Variants in STOX2 observed in about 807,000 individuals in gnomAD.
STOX2 encodes storkhead-box protein 2.
Under a neutral mutation model 60.9 loss-of-function variants are expected in STOX2, and 28 were observed. The ratio of observed to expected loss-of-function variants is 0.46; its 90% confidence interval spans 0.34 to 0.63. The LOEUF (loss-of-function observed/expected upper bound fraction) is 0.63. STOX2 is among the 30% of genes least tolerant of loss of function. The probability of loss-of-function intolerance (pLI) is 0.01; values close to 1 mark genes in which losing one functional copy is unlikely to be tolerated. For missense variants in STOX2, 1,024 were observed against 1,187.7 expected (o/e 0.86, Z 2.03); for synonymous variants, 472 against 463.9 (o/e 1.02, Z -0.22).
chr4:183,959,362 G>C (rs955187510), intron 1 of STOX2, among the ~76,000 whole-genome samples: 3 of 152,162 alleles, frequency 2.0e-5, no homozygotes, highest in African/African-American at 7.2e-5. Flanking sequence ...TGATATTCGT[G>C]AGGCAGCCAT....
chr4:183,889,608 G>A (rs1178176970), intron 1 of STOX2, among the ~76,000 whole-genome samples: 2 of 152,250 alleles, frequency 1.3e-5, no homozygotes, highest in Admixed American at 1.3e-4. Flanking sequence ...AAAGTTTGAT[G>A]GACCTGAGCC....
intron 1 of STOX2, among the ~76,000 whole-genome samples, chr4:183,974,038 G>T (rs1174560356): frequency 6.6e-6 from 1 of 152,106 alleles, no homozygotes; most frequent in Non-Finnish European, 1.5e-5. Flanking sequence ...TTCTAGCATT[G>T]GTAGAGTTTC....
At chr4:183,833,852 G>A (rs1276212293) in intron 1 of STOX2, among the ~76,000 whole-genome samples, 1 of 151,146 alleles carries the variant, frequency 6.6e-6, no homozygotes, top group Non-Finnish European at 1.5e-5. Flanking sequence ...CGTGGTGGCA[G>A]GCGCCTGTAG....
At chr4:183,970,522 G>A (rs1351576179) in intron 1 of STOX2, among the ~76,000 whole-genome samples, 2 of 152,092 alleles carry the variant, frequency 1.3e-5, no homozygotes, top group African/African-American at 2.4e-5. Flanking sequence ...CACTGCCCCC[G>A]ACCGGACCCT....
At chr4:183,954,526 G>T (rs1209035182) in intron 1 of STOX2, among the ~76,000 whole-genome samples, 1 of 151,960 alleles carries the variant, frequency 6.6e-6, no homozygotes, top group African/African-American at 2.4e-5. Context: ...CTGACCTAGT[G>T]ATCCACCCTC....
chr4:183,923,998 G>C (rs1009182), intron 1 of STOX2, among the ~76,000 whole-genome samples: 17,633 of 152,174 alleles, frequency 0.12, 1,101 homozygotes, highest in African/African-American at 0.16. Flanking sequence ...AGATACACAT[G>C]TTAGCCTCAT....
chr4:183,849,746 G>T (rs150201044), intron 1 of STOX2, among the ~76,000 whole-genome samples: 3 of 152,110 alleles, frequency 2.0e-5, no homozygotes, highest in African/African-American at 4.8e-5. Context: ...GTGAGATTGC[G>T]AAGGGAGAGG....
At chr4:183,914,666 C>T (rs2111092256) in intron 1 of STOX2, among the ~76,000 whole-genome samples, 1 of 152,196 alleles carries the variant, frequency 6.6e-6, no homozygotes, top group East Asian at 1.9e-4. Context: ...AATAGCTTGG[C>T]TTTCTGTGCT....
chr4:184,019,749 T>C lies in STOX2; in HGVS notation c.*2465T>C, dbSNP rs564728183. On this transcript the variant is annotated 3_prime_UTR_variant, in exon 4 of 4. Transcript: ENST00000308497. ...TTAAAGGTGATACCATGTAAGCAGA[T>C]GTTGCATATAAAAATATTCCTGCCT... 17 of 152,326 alleles carry C rather than the reference T, an allele frequency of 1.1e-4. No individual in the cohort carries two copies. Among genetic ancestry groups the C allele is most frequent in the African/African-American group, 3.8e-4 (16 of 41,574 alleles). The allele number at this position is 152,326 out of a possible 1,614,324, so 9.4% of individuals were successfully genotyped here.
At chr4:184,003,891 T>C (rs1237380728) in intron 2 of STOX2, among the ~76,000 whole-genome samples, 3 of 152,170 alleles carry the variant, frequency 2.0e-5, no homozygotes, top group African/African-American at 7.2e-5. Flanking sequence ...CCTGCCTGCC[T>C]GCCTTCTTTC....
chr4:183,970,518 C>T (rs368953748), intron 1 of STOX2, among the ~76,000 whole-genome samples: 1 of 152,130 alleles, frequency 6.6e-6, no homozygotes, highest in African/African-American at 2.4e-5. Context: ...ACATCACTGC[C>T]CCCGACCGGA....
chr4:183,870,527 T>A, intron 1 of STOX2, among the ~76,000 whole-genome samples: 1 of 152,242 alleles, frequency 6.6e-6, no homozygotes, highest in East Asian at 1.9e-4. Flanking sequence ...ATATTGTTTA[T>A]TGGGACAATG....
At chr4:183,925,434 T>A (rs1742212842) in intron 1 of STOX2, among the ~76,000 whole-genome samples, 2 of 152,114 alleles carry the variant, frequency 1.3e-5, no homozygotes, top group Admixed American at 1.3e-4. Context: ...ACTCCCACCT[T>A]GGCCTCCCAA....
intron 1 of STOX2, among the ~76,000 whole-genome samples, chr4:183,955,884 T>C (rs1009765768): frequency 2.0e-5 from 3 of 152,138 alleles, no homozygotes; most frequent in Non-Finnish European, 2.9e-5. Flanking sequence ...TAGAGGATAA[T>C]GGTTGGGCTT....
rs149318844 is a variant in STOX2 at position 184,022,833 on chromosome 4, T to C, written c.*5549T>C. The stretch of plus-strand genomic sequence containing the variant: ...CTGACACACCGCCACGGTTTCCACA[T>C]TGGAAGGGCAGAACACTGTGCAGTA... On this transcript the variant is annotated 3_prime_UTR_variant, in exon 4 of 4. Coordinates refer to ENST00000308497, the MANE Select transcript of STOX2 (RefSeq NM_020225.3). 6.6e-6 allele frequency: 1 copy of C among 152,248 alleles called. No individual in the cohort carries two copies. Among genetic ancestry groups the C allele is most frequent in the African/African-American group, 2.4e-5 (1 of 41,524 alleles). 9.4% of individuals were successfully genotyped at this position (152,248 alleles called of 1,614,324 possible). A position where few individuals can be genotyped will look rare whatever the true frequency, so the allele number is the denominator to read the frequency against.
At chr4:183,886,230 G>T (rs1579374516) in intron 1 of STOX2, among the ~76,000 whole-genome samples, 1 of 150,454 alleles carries the variant, frequency 6.6e-6, no homozygotes, top group Non-Finnish European at 1.5e-5. Flanking sequence ...GAAGGTGAAG[G>T]TTCAGATGGT....
intron 1 of STOX2, among the ~76,000 whole-genome samples, chr4:183,991,332 T>C (rs1186934141): frequency 1.3e-5 from 2 of 152,226 alleles, no homozygotes; most frequent in Non-Finnish European, 2.9e-5. Flanking sequence ...TTTAGTTTTT[T>C]AAAAAGGCTT....
chr4:183,840,651 A>G (rs895095378), intron 1 of STOX2, among the ~76,000 whole-genome samples: 1 of 152,234 alleles, frequency 6.6e-6, no homozygotes, highest in African/African-American at 2.4e-5. Context: ...TAGGATAATT[A>G]TAACACAAGA....
intron 1 of STOX2, among the ~76,000 whole-genome samples, chr4:183,896,270 A>G (rs960078404): frequency 1.3e-5 from 2 of 152,214 alleles, no homozygotes; most frequent in Non-Finnish European, 1.5e-5. Flanking sequence ...GTCTGGTGGC[A>G]GTGAGTTACA....
Sources: gnomAD v4.1 joint callset for allele counts (sites outside exome capture counted in the v4.1 genomes callset) on GRCh38, gnomAD v4.1.1 for gene constraint, MANE v1.5 for transcripts, NCBI Gene and HGNC (gene_info 2026-07-23, HGNC 2026-07-21) for gene names.